PAPPA2: variants seen among roughly 807,000 people sequenced by gnomAD.
PAPPA2 encodes pappalysin-2.
Under a neutral mutation model 176.4 loss-of-function variants are expected in PAPPA2, and 86 were observed. The ratio of observed to expected loss-of-function variants is 0.49; its 90% confidence interval spans 0.41 to 0.58. The LOEUF (loss-of-function observed/expected upper bound fraction) is 0.58, where lower values mean the gene tolerates loss of function less well. PAPPA2 is among the 20% of genes least tolerant of loss of function. PAPPA2 has a pLI of 0.00. For synonymous variants in PAPPA2, 809 were observed against 852.2 expected (o/e 0.95, Z 0.88); for missense variants, 2,073 against 2,256.9 (o/e 0.92, Z 1.65).
In PAPPA2 at chr1:176,556,349, A is replaced by T; in HGVS notation, c.27A>T (p.Ile9=). The change falls in exon 2 of 23, where the codon ATA becomes ATT. Residue 9 remains isoleucine (I), a synonymous_variant. Coordinates refer to ENST00000367662, the MANE Select transcript of PAPPA2 (RefSeq NM_020318.3). The part of the protein sequence containing the change: MMCLKILR[I]SLAILAGWAL... ...TGATGTGCTTAAAGATCCTAAGAAT[A>T]AGCCTGGCGATTTTGGCTGGGTGGG... 6.2e-7 allele frequency: 1 copy of T among 1,613,908 alleles called. No homozygotes were observed. The highest frequency in any genetic ancestry group is 2.2e-5 in the East Asian group (1 of 44,868).
chr1:176,524,867 T>C (rs529800957), intron 1 of PAPPA2, among the ~76,000 whole-genome samples: 25 of 151,564 alleles, frequency 1.6e-4, no homozygotes, highest in Admixed American at 9.2e-4. Context: ...ACTAAAAAAA[T>C]ACAAAAAAAA....
intron 12 of PAPPA2, among the ~76,000 whole-genome samples, chr1:176,718,945 A>G (rs939818848): frequency 6.6e-6 from 1 of 152,168 alleles, no homozygotes; most frequent in Non-Finnish European, 1.5e-5. Flanking sequence ...TATACTTTGT[A>G]TATATTGGTT....
intron 1 of PAPPA2, among the ~76,000 whole-genome samples, chr1:176,492,582 A>G (rs1647349793): frequency 6.6e-6 from 1 of 152,140 alleles, no homozygotes; most frequent in South Asian, 2.1e-4. Flanking sequence ...CTCTGCCTAC[A>G]CACTACATAG....
At chr1:176,466,052 A>C (rs1233135758) in intron 1 of PAPPA2, among the ~76,000 whole-genome samples, 4 of 152,152 alleles carry the variant, frequency 2.6e-5, no homozygotes, top group Admixed American at 6.5e-5. Context: ...CAACATGCAG[A>C]ATTAGGTCTA....
At chr1:176,655,558 T>G (rs1434538246) in intron 3 of PAPPA2, among the ~76,000 whole-genome samples, 1 of 151,806 alleles carries the variant, frequency 6.6e-6, no homozygotes, top group African/African-American at 2.4e-5. Flanking sequence ...AAATGCACAT[T>G]AAATCCACAA....
chr1:176,809,123 T>A (rs748293395), intron 21 of PAPPA2, among the ~76,000 whole-genome samples: 17 of 152,204 alleles, frequency 1.1e-4, no homozygotes, highest in Admixed American at 8.5e-4. Context: ...GGTTACACAT[T>A]TGCTTCTATC....
chr1:176,836,307 G>A (rs151029976), intron 21 of PAPPA2, among the ~76,000 whole-genome samples: 1 of 152,124 alleles, frequency 6.6e-6, no homozygotes, highest in Admixed American at 6.5e-5. Context: ...AATTTGATTA[G>A]CATCTTCTCT....
chr1:176,744,620 A>G (rs1363014962), intron 14 of PAPPA2, among the ~76,000 whole-genome samples: 1 of 152,222 alleles, frequency 6.6e-6, no homozygotes, highest in Admixed American at 6.5e-5. Context: ...GATGGGAATA[A>G]TGACTGGAGA....
intron 1 of PAPPA2, among the ~76,000 whole-genome samples, chr1:176,525,997 A>T (rs763420375): frequency 2.0e-5 from 3 of 152,212 alleles, no homozygotes; most frequent in Admixed American, 6.5e-5. Context: ...TATGGAGGTT[A>T]TAAAAGCTGC....
intron 3 of PAPPA2, among the ~76,000 whole-genome samples, chr1:176,608,085 A>G (rs141305185): frequency 2.6e-5 from 4 of 152,324 alleles, no homozygotes; most frequent in Non-Finnish European, 4.4e-5. Context: ...GTTTTTCAAG[A>G]TATCATCATT....
chr1:176,560,479 T>C (rs560126230), intron 2 of PAPPA2, among the ~76,000 whole-genome samples: 5 of 152,170 alleles, frequency 3.3e-5, no homozygotes, highest in Non-Finnish European at 7.3e-5. Context: ...CTATTTCCCA[T>C]AGCGGAGACA....
At chr1:176,547,147 G>A (rs1025590383) in intron 1 of PAPPA2, among the ~76,000 whole-genome samples, 2 of 152,192 alleles carry the variant, frequency 1.3e-5, no homozygotes, top group African/African-American at 4.8e-5. Context: ...TAATCTGTGT[G>A]ATAGATGTTA....
At chr1:176,594,033 C>G (rs1380414262) in intron 2 of PAPPA2, among the ~76,000 whole-genome samples, 1 of 152,130 alleles carries the variant, frequency 6.6e-6, no homozygotes, top group Non-Finnish European at 1.5e-5. Context: ...CCTTGTTTTC[C>G]CCATGAGTGT....
chr1:176,804,948 A>G (rs1341964852), intron 21 of PAPPA2, among the ~76,000 whole-genome samples: 1 of 152,180 alleles, frequency 6.6e-6, no homozygotes, highest in Non-Finnish European at 1.5e-5. Flanking sequence ...GGAAGAGAGG[A>G]AAAGAAAGAG....
At chr1:176,508,586 TA>T (rs372014749) in intron 1 of PAPPA2, among the ~76,000 whole-genome samples, 97 of 147,088 alleles carry the variant, frequency 6.6e-4, no homozygotes, top group Middle Eastern at 3.4e-3. Context: ...GGAAAAAAAG[TA>T]AAAAAAAAAA....
chr1:176,799,227 AT>A (rs1288983082), intron 20 of PAPPA2, among the ~76,000 whole-genome samples: 2 of 152,184 alleles, frequency 1.3e-5, no homozygotes, highest in Non-Finnish European at 2.9e-5. Context: ...ACTTTCTTTT[AT>A]CCTTAGAAAA....
chr1:176,775,344 G>A (rs539509244), intron 17 of PAPPA2, among the ~76,000 whole-genome samples: 26 of 152,208 alleles, frequency 1.7e-4, no homozygotes, highest in African/African-American at 6.3e-4. Context: ...GTAAAGGAAA[G>A]GAGAGGTTTT....
Position 176,791,461 on chromosome 1 carries a change from T to A in PAPPA2, c.4999T>A (p.Cys1667Ser). The A allele has an allele frequency of 6.2e-7, 1 of 1,613,886 alleles. No individual in the cohort carries two copies. The highest frequency in any genetic ancestry group is 8.5e-7 in the Non-Finnish European group (1 of 1,179,832). ...PSELNSVEYK[C>S]EQGYGIGAVC... ...AGAGCTGAATTCTGTGGAGTACAAA[T>A]GTGAACAAGGATATGGGATTGGTAA... The change falls in exon 19 of 23, where the codon TGT becomes AGT. Residue 1667 changes from cysteine (C) to serine (S), a missense_variant. By Grantham distance (112) the Cys-to-Ser change is moderately radical (BLOSUM62 -1). Coordinates refer to ENST00000367662, the MANE Select transcript of PAPPA2 (RefSeq NM_020318.3).
In PAPPA2 at chr1:176,573,284, T is replaced by A. The variant is rs548938823; in HGVS notation, c.919+16043T>A. On this transcript the variant is annotated intron_variant, in intron 2 of 22. Transcript: ENST00000367662. ...CTGGAATTCCAAGCACATGAATTCC[T>A]ATTTTTGTTTAGGTGGAAGATCATC... Among the ~76,000 whole-genome samples the A allele has an allele frequency of 2.6e-4, 40 of 152,230 alleles. 1 individual carries two copies. The highest frequency in any genetic ancestry group is 2.1e-3 in the Admixed American group (32 of 15,286).
Sources: allele counts gnomAD v4.1 joint callset (sites outside exome capture counted in the v4.1 genomes callset), GRCh38; gene constraint gnomAD v4.1.1; transcripts MANE v1.5; gene names NCBI Gene and HGNC (gene_info 2026-07-23, HGNC 2026-07-21).